The following CAMSAP1 variants were observed in gnomAD, a reference collection of about 807,000 sequenced individuals.
The protein encoded by CAMSAP1 is calmodulin regulated spectrin associated protein 1.
CAMSAP1 carries 58 observed loss-of-function variants against 143.5 expected under a neutral mutation model. The ratio of observed to expected loss-of-function variants is 0.40; its 90% CI spans 0.33 to 0.50. CAMSAP1 has a LOEUF of 0.50. Ranked by LOEUF, CAMSAP1 falls within the 20% of genes least tolerant of loss-of-function variation. The pLI is 0.45. For synonymous variants in CAMSAP1, 945 were observed against 859.3 expected, an observed-to-expected ratio of 1.10 and a Z score of -1.74; for missense variants, 1,969 against 2,115.7, an observed-to-expected ratio of 0.93 and a Z score of 1.36.
At chr9:135,887,480 C>T (rs1286865570) in intron 1 of CAMSAP1, among the ~76,000 whole-genome samples, 1 of 152,164 alleles carries the variant, frequency 6.6e-6, no homozygotes, top group African/African-American at 2.4e-5. Flanking sequence ...GATGTGTCTG[C>T]TTTAAGGATT....
At position 135,907,491 on chromosome 9, in the gene CAMSAP1, A is replaced by AGCGGCG. The variant is rs1011641088; in HGVS notation, c.-338_-333dup. The stretch of plus-strand genomic sequence containing the variant: ...GGCAGCGCGTGCGCGGTCCCGGGTG[A>AGCGGCG]GCGGCGGCGGCGGCGACAGCGGCTG... On this transcript the variant is annotated 5_prime_UTR_variant, in exon 1 of 17. Transcript: ENST00000389532. Among the ~76,000 whole-genome samples the AGCGGCG allele has an allele frequency of 2.1e-5, 3 of 141,820 alleles. No homozygotes were observed. The highest frequency in any genetic ancestry group is 1.4e-4 in the Admixed American group (2 of 14,330). The allele number at this position is 141,820 out of a possible 152,430, so 93.0% of individuals were successfully genotyped here.
At position 135,820,431 on chromosome 9, in the gene CAMSAP1, G is replaced by A. The variant is rs942627166; in HGVS notation, c.3822+408C>T. 3.3e-5 allele frequency among the ~76,000 whole-genome samples: 5 copies of A among 152,084 alleles called. No homozygotes were observed. Among genetic ancestry groups the A allele is most frequent in the Non-Finnish European group, 5.9e-5 (4 of 68,026 alleles). On this transcript the variant is annotated intron_variant, in intron 11 of 16. Coordinates refer to ENST00000389532, the MANE Select transcript of CAMSAP1 (RefSeq NM_015447.4). This position sits in a 1 kb window ranked among gnomAD's most constrained non-coding sequence, Gnocchi z 4.4. ...TTTTGAAGTTGCTATATCAGAGGTT[G>A]GCAAACTTCAGCCCACAGGCCAGGC...
Position 135,821,206 on chromosome 9 carries a change from C to CT in CAMSAP1, c.3454dup (p.Ser1152LysfsTer8). 1 of 1,609,316 alleles carries CT rather than the reference C, an allele frequency of 6.2e-7. No homozygotes were observed. Among genetic ancestry groups the CT allele is most frequent in the Non-Finnish European group, 8.5e-7 (1 of 1,179,874 alleles). On this transcript the variant is annotated frameshift_variant, in exon 11 of 17. Transcript: ENST00000389532. LOFTEE classifies it high-confidence loss of function. This position sits in a 1 kb window ranked among gnomAD's most constrained non-coding sequence, Gnocchi z 4.6. ...TGGGTCACCACTGGGCTCCAGGGCACTGTCCAGGCCAGGGTCCGTGGGCGT... is the reference window on the plus strand; with the variant it reads ...TGGGTCACCACTGGGCTCCAGGGCACTTGTCCAGGCCAGGGTCCGTGGGCGT...
At chr9:135,812,145 T>C (rs1835074524) in intron 16 of CAMSAP1, among the ~76,000 whole-genome samples, 1 of 152,206 alleles carries the variant, frequency 6.6e-6, no homozygotes, top group Non-Finnish European at 1.5e-5. Context: ...AAACACTGCA[T>C]ATAAATAACA....
intron 7 of CAMSAP1, among the ~76,000 whole-genome samples, chr9:135,846,609 A>C (rs1044464416): frequency 2.1e-4 from 32 of 151,940 alleles, no homozygotes; most frequent in African/African-American, 7.5e-4. Context: ...AGAAGGGAAG[A>C]AAATTTTTGC....
At chr9:135,903,888 C>T (rs1054731463) in intron 1 of CAMSAP1, among the ~76,000 whole-genome samples, 1 of 152,214 alleles carries the variant, frequency 6.6e-6, no homozygotes, top group Non-Finnish European at 1.5e-5. Context: ...CACTGTCCTA[C>T]CAAAACCCCC....
intron 3 of CAMSAP1, among the ~76,000 whole-genome samples, chr9:135,868,443 G>GT (rs1437361895): frequency 2.7e-5 from 4 of 147,380 alleles, no homozygotes; most frequent in Non-Finnish European, 4.6e-5. Context: ...CCAAAGAAGT[G>GT]TTTTTTGTTT....
chr9:135,870,139 C>G (rs1837521416), intron 3 of CAMSAP1, among the ~76,000 whole-genome samples: 3 of 152,248 alleles, frequency 2.0e-5, no homozygotes, highest in Admixed American at 1.3e-4. Flanking sequence ...GTGTCCCCAC[C>G]CAAATCTTAT....
At position 135,821,041 on chromosome 9, in the gene CAMSAP1, T is replaced by A; in HGVS notation, c.3620A>T (p.Glu1207Val). ...GACATCTGAGGAGCTGGACCCCACC[T>A]CCTTCACACTCGCATCCAGAACTTC... Reference protein sequence around the residue: ...LKEVLDASVKEVGSSSSDVSG... With the variant: ...LKEVLDASVKVVGSSSSDVSG... Residue 1207 changes from glutamate (E) to valine (V), a missense_variant, in exon 11 of 17, where the codon GAG (glutamate) becomes GTG (valine). Glu to Val is a moderately radical substitution (Grantham distance 121, BLOSUM62 -2). This residue lies in a region of CAMSAP1 where 1,390 missense variants were observed against 1,420.8 expected (regional missense o/e 0.98). Coordinates refer to ENST00000389532, the MANE Select transcript of CAMSAP1 (RefSeq NM_015447.4). The surrounding 1 kb of genome is among the most constrained non-coding windows in gnomAD (Gnocchi z 4.6). 1 of 1,613,898 alleles carries A rather than the reference T, an allele frequency of 6.2e-7. No individual in the cohort carries two copies. Among genetic ancestry groups the A allele is most frequent in the Non-Finnish European group, 8.5e-7 (1 of 1,179,836 alleles).
intron 1 of CAMSAP1, among the ~76,000 whole-genome samples, chr9:135,898,908 A>C (rs946093661): frequency 1.3e-5 from 2 of 152,246 alleles, no homozygotes; most frequent in Non-Finnish European, 2.9e-5. Flanking sequence ...ATGTTCACAG[A>C]AGCTCTATTC....
Position 135,824,123 on chromosome 9 carries a change from C to A in CAMSAP1, c.1316-89G>T. The A allele has an allele frequency of 2.6e-6, 3 of 1,171,446 alleles. No homozygotes were observed. The highest frequency in any genetic ancestry group is 3.7e-6 in the Non-Finnish European group (3 of 804,306). The allele number at this position is 1,171,446 out of a possible 1,614,324, so 72.6% of individuals were successfully genotyped here. On this transcript the variant is annotated intron_variant, in intron 9 of 16. Coordinates refer to ENST00000389532, the MANE Select transcript of CAMSAP1 (RefSeq NM_015447.4). The surrounding 1 kb of genome is among the most constrained non-coding windows in gnomAD (Gnocchi z 4.1). ...ATATGACCATTTGTCCAGAAAAATG[C>A]CTCTCAAGTCAGTACACCAGAAGGG... is the stretch of plus-strand genomic sequence containing the variant.
At chr9:135,846,470 GC>G (rs1324610246) in intron 7 of CAMSAP1, among the ~76,000 whole-genome samples, 1 of 152,038 alleles carries the variant, frequency 6.6e-6, no homozygotes, top group Non-Finnish European at 1.5e-5. Context: ...ACAGGCATGG[GC>G]AAAGACTTCA....
At chr9:135,903,265 T>C (rs1838671519) in intron 1 of CAMSAP1, among the ~76,000 whole-genome samples, 1 of 152,264 alleles carries the variant, frequency 6.6e-6, no homozygotes, top group Non-Finnish European at 1.5e-5. Flanking sequence ...ATGTGATGAC[T>C]AGTCAGGTTC....
intron 5 of CAMSAP1, among the ~76,000 whole-genome samples, chr9:135,854,836 G>A (rs1564441980): frequency 6.6e-6 from 1 of 152,096 alleles, no homozygotes; most frequent in Admixed American, 6.6e-5. Flanking sequence ...CTCATGCCAC[G>A]GGGGTTTGTT....
rs552849809 is a variant in CAMSAP1 at position 135,820,091 on chromosome 9, G to A, written c.3822+748C>T. Among the ~76,000 whole-genome samples the A allele has an allele frequency of 2.2e-4, 34 of 152,244 alleles. No individual in the cohort carries two copies. Among genetic ancestry groups the A allele is most frequent in the African/African-American group, 6.5e-4 (27 of 41,532 alleles). The stretch of plus-strand genomic sequence containing the variant: ...GCTGTGTGAGCATGACGGAGTGTGC[G>A]CACACCTGGATGGCAGCGCCCCCCA... On this transcript the variant is annotated intron_variant, in intron 11 of 16. Transcript: ENST00000389532. This position sits in a 1 kb window ranked among gnomAD's most constrained non-coding sequence, Gnocchi z 4.4.
chr9:135,866,311 G>A, intron 4 of CAMSAP1, 145 bp downstream of exon 4: 2 of 595,238 alleles, frequency 3.4e-6, no homozygotes, highest in South Asian at 3.9e-5. Context: ...TGGAGAATCA[G>A]CCCACCAGGT....
chr9:135,822,964 G>A lies in CAMSAP1; in HGVS notation c.1697C>T (p.Ala566Val), dbSNP rs770303884. ...DPEFPRASPRALGLTANARSP... is the reference protein window; with the variant it reads ...DPEFPRASPRVLGLTANARSP... ...CCGGGCATTTGCTGTAAGGCCTAAGGCCCGGGGTGAGGCCCTGGGGAACTC... is the reference window on the plus strand; with the variant it reads ...CCGGGCATTTGCTGTAAGGCCTAAGACCCGGGGTGAGGCCCTGGGGAACTC... Residue 566 changes from alanine (A) to valine (V), a missense_variant, in exon 11 of 17, where the codon GCC becomes GTC. Around this residue, in one of 4 missense-constraint regions of CAMSAP1, gnomAD observed 1,390 missense variants for 1,420.8 expected, o/e 0.98. Transcript: ENST00000389532. This position sits in a 1 kb window ranked among gnomAD's most constrained non-coding sequence, Gnocchi z 6.1. The A allele has an allele frequency of 6.2e-7, 1 of 1,613,998 alleles. No individual in the cohort carries two copies. The highest frequency in any genetic ancestry group is 1.1e-5 in the South Asian group (1 of 91,082).
chr9:135,819,159 G>C lies in CAMSAP1; in HGVS notation c.3823-13C>G. ...CTTTCTGTTCATCCTGCAAGACAGA[G>C]GCCACACAGAGCATGACAGGAACCC... On this transcript the variant is annotated splice_polypyrimidine_tract_variant and intron_variant, in intron 11 of 16. Coordinates refer to ENST00000389532, the MANE Select transcript of CAMSAP1 (RefSeq NM_015447.4). The C allele has an allele frequency of 1.3e-6, 2 of 1,598,344 alleles. No homozygotes were observed. The highest frequency in any genetic ancestry group is 2.7e-5 in the African/African-American group (2 of 74,624).
At chr9:135,836,375 TG>T (rs1836039234) in intron 7 of CAMSAP1, 1 of 983,972 alleles carries the variant, frequency 1.0e-6, no homozygotes, top group African/African-American at 1.8e-5. Context: ...CCTTCTACCC[TG>T]TTCTACAGAC....
Sources: allele counts gnomAD v4.1 joint callset (sites outside exome capture counted in the v4.1 genomes callset), GRCh38; gene constraint gnomAD v4.1.1; regional missense constraint gnomAD v4.1.1; non-coding constraint Gnocchi (gnomAD v3.1); transcripts MANE v1.5; gene names NCBI Gene and HGNC (gene_info 2026-07-23, HGNC 2026-07-21).